SYT14: variants seen among roughly 807,000 people sequenced by gnomAD.
The protein encoded by SYT14 is synaptotagmin 14.
Under a neutral mutation model 74.2 loss-of-function variants are expected in SYT14, and 32 were observed. The observed-to-expected ratio is 0.43, with a 90% CI of 0.33 to 0.58. The LOEUF is 0.58. Among genes scored for constraint, SYT14 ranks in the 20% least tolerant of loss-of-function variants. The pLI is 0.05. For missense variants in SYT14, 791 were observed against 981.8 expected (o/e 0.81, Z 2.60); for synonymous variants, 298 against 337.7 (o/e 0.88, Z 1.29).
At chr1:210,108,032 C>T (rs1235756882) in intron 7 of SYT14, among the ~76,000 whole-genome samples, 1 of 152,060 alleles carries the variant, frequency 6.6e-6, no homozygotes, top group African/African-American at 2.4e-5. Flanking sequence ...TATTTAAGTC[C>T]TTGAAGGGAT....
intron 5 of SYT14, among the ~76,000 whole-genome samples, chr1:210,085,539 T>C (rs1429991287): frequency 6.6e-6 from 1 of 152,212 alleles, no homozygotes; most frequent in East Asian, 1.9e-4. Flanking sequence ...ATAAAGGAAA[T>C]TGCTTTCTAT....
At chr1:210,152,999 T>C (rs1450444030) in intron 7 of SYT14, among the ~76,000 whole-genome samples, 1 of 152,214 alleles carries the variant, frequency 6.6e-6, no homozygotes, top group African/African-American at 2.4e-5. Context: ...CTGTATAGTA[T>C]GCCATTGTAT....
At chr1:209,942,586 T>G (rs961031183) in intron 1 of SYT14, among the ~76,000 whole-genome samples, 3 of 152,224 alleles carry the variant, frequency 2.0e-5, no homozygotes, top group Admixed American at 2.0e-4. Context: ...TGCATTAATT[T>G]CCTAAGTAGT....
chr1:210,037,064 TTTG>T (rs1396611129), intron 5 of SYT14, among the ~76,000 whole-genome samples: 1 of 151,998 alleles, frequency 6.6e-6, no homozygotes, highest in Non-Finnish European at 1.5e-5. Context: ...CCTGGGCTTT[TTTG>T]TTGTTGTTGG....
At chr1:210,007,855 A>G (rs1280940583) in intron 2 of SYT14, among the ~76,000 whole-genome samples, 1 of 152,170 alleles carries the variant, frequency 6.6e-6, no homozygotes, top group Non-Finnish European at 1.5e-5. Flanking sequence ...TCAATTTATT[A>G]ATCTAAAGAC....
At chr1:210,063,385 T>C (rs1323243249) in intron 5 of SYT14, among the ~76,000 whole-genome samples, 2 of 151,878 alleles carry the variant, frequency 1.3e-5, no homozygotes, top group Non-Finnish European at 2.9e-5. Flanking sequence ...TTTGGACTTG[T>C]ATCTATTTCT....
At chr1:210,147,674 G>C (rs192579126) in intron 7 of SYT14, among the ~76,000 whole-genome samples, 129 of 152,264 alleles carry the variant, frequency 8.5e-4, no homozygotes, top group African/African-American at 2.8e-3. Context: ...TCTAGGTAAA[G>C]AAGAGAGAGA....
intron 5 of SYT14, among the ~76,000 whole-genome samples, chr1:210,044,814 T>C (rs1040664000): frequency 4.6e-5 from 7 of 152,208 alleles, no homozygotes; most frequent in African/African-American, 7.2e-5. Context: ...CGGCTTCTGC[T>C]GAGGCCTCAG....
At chr1:210,100,224 A>T (rs767203976) in exon 7 of SYT14, 1 of 1,614,098 alleles carries the variant, frequency 6.2e-7, no homozygotes, top group Non-Finnish European at 8.5e-7. Flanking sequence ...CTATAAAGAA[A>T]CAGAGAGCAA....
chr1:210,073,699 G>T (rs1170011735), intron 5 of SYT14, among the ~76,000 whole-genome samples: 1 of 149,042 alleles, frequency 6.7e-6, no homozygotes, highest in Non-Finnish European at 1.5e-5. Context: ...TTTTGTTTTT[G>T]TTTTTTTTTG....
At chr1:210,019,242 CCCT>C (rs1413184838) in intron 4 of SYT14, among the ~76,000 whole-genome samples, 1 of 151,578 alleles carries the variant, frequency 6.6e-6, no homozygotes, top group Non-Finnish European at 1.5e-5. Flanking sequence ...AGACTAGTTA[CCCT>C]CCTCAAGAGA....
chr1:210,100,001 T>A lies in SYT14; in HGVS notation c.1585-11T>A. On this transcript the variant is annotated splice_polypyrimidine_tract_variant and intron_variant, in intron 6 of 9. Transcript: ENST00000637265. ...GTTAAAAACTCTAACATTTAAATTTTCTTTTCTTAGGATATGTCAGCTCAA... is the reference window on the plus strand; with the variant it reads ...GTTAAAAACTCTAACATTTAAATTTACTTTTCTTAGGATATGTCAGCTCAA... 1 of 1,612,492 alleles carries A rather than the reference T, an allele frequency of 6.2e-7. No homozygotes were observed. The highest frequency in any genetic ancestry group is 8.5e-7 in the Non-Finnish European group (1 of 1,179,114).
intron 6 of SYT14, among the ~76,000 whole-genome samples, chr1:210,096,826 G>T (rs1478758235): frequency 6.6e-6 from 1 of 152,170 alleles, no homozygotes; most frequent in Non-Finnish European, 1.5e-5. Flanking sequence ...CTTTCTATAG[G>T]TAACACTCAT....
intron 6 of SYT14, among the ~76,000 whole-genome samples, chr1:210,098,704 A>T (rs2082008856): frequency 6.6e-6 from 1 of 151,192 alleles, no homozygotes. Context: ...TTTTTTACAC[A>T]AATTCTCACC....
intron 2 of SYT14, among the ~76,000 whole-genome samples, chr1:210,000,718 A>T (rs1399707411): frequency 6.9e-6 from 1 of 144,216 alleles, no homozygotes; most frequent in African/African-American, 2.6e-5. Flanking sequence ...GAGTCAAGTG[A>T]TTCTCCTGCC....
At chr1:210,158,137 CAGA>C (rs1267224311) in intron 8 of SYT14, among the ~76,000 whole-genome samples, 1 of 152,126 alleles carries the variant, frequency 6.6e-6, no homozygotes, top group Non-Finnish European at 1.5e-5. Context: ...TTTCTCATTT[CAGA>C]AGGAGAAATT....
chr1:210,150,657 C>T (rs1304329643), intron 7 of SYT14, among the ~76,000 whole-genome samples: 2 of 152,188 alleles, frequency 1.3e-5, no homozygotes, highest in African/African-American at 2.4e-5. Context: ...ATAATGGAAG[C>T]ATTTCACATA....
At chr1:209,978,631 C>G (rs1162637990) in intron 2 of SYT14, among the ~76,000 whole-genome samples, 3 of 152,166 alleles carry the variant, frequency 2.0e-5, no homozygotes, top group African/African-American at 7.2e-5. Context: ...GGGTGCCTCC[C>G]AGTAAGGCTA....
intron 7 of SYT14, among the ~76,000 whole-genome samples, chr1:210,153,538 T>C (rs1426917571): frequency 6.6e-6 from 1 of 152,190 alleles, no homozygotes; most frequent in East Asian, 1.9e-4. Flanking sequence ...TTAAATGCCA[T>C]AATAAATGAT....
Sources: gnomAD v4.1 joint callset for allele counts (sites outside exome capture counted in the v4.1 genomes callset) on GRCh38, gnomAD v4.1.1 for gene constraint, MANE v1.5 for transcripts, NCBI Gene and HGNC (gene_info 2026-07-23, HGNC 2026-07-21) for gene names.